ZC3H3: variants seen among roughly 807,000 people sequenced by gnomAD.
ZC3H3 encodes the protein zinc finger CCCH domain-containing protein 3.
In ZC3H3, 36 loss-of-function variants were observed where a neutral mutation model predicts 77.3. That is an observed-to-expected ratio of 0.47 (90% CI 0.36 to 0.61). ZC3H3 has a LOEUF of 0.61. Among genes scored for constraint, ZC3H3 ranks in the 20% least tolerant of loss-of-function variants. The pLI is 0.00. For synonymous variants in ZC3H3, 626 were observed against 555.2 expected, an observed-to-expected ratio of 1.13 and a Z score of -1.79; for missense variants, 1,331 against 1,312.2, an observed-to-expected ratio of 1.01 and a Z score of -0.22.
intron 4 of ZC3H3, among the ~76,000 whole-genome samples, chr8:143,491,963 T>C (rs976168952): frequency 6.6e-6 from 1 of 152,172 alleles, no homozygotes; most frequent in African/African-American, 2.4e-5. Flanking sequence ...CACAGGCATG[T>C]TGCCTCCACC....
chr8:143,480,616 C>A (rs1256319454), intron 4 of ZC3H3, among the ~76,000 whole-genome samples: 1 of 152,208 alleles, frequency 6.6e-6, no homozygotes, highest in Non-Finnish European at 1.5e-5. Flanking sequence ...TCAGCACTTG[C>A]GCTCCCAGCA....
intron 4 of ZC3H3, among the ~76,000 whole-genome samples, chr8:143,486,186 C>T (rs1330059174): frequency 6.6e-6 from 1 of 152,272 alleles, no homozygotes; most frequent in Admixed American, 6.5e-5. Flanking sequence ...GTATCCATAT[C>T]ACAGAACACC....
chr8:143,508,401 G>A (rs1821773655), intron 3 of ZC3H3, among the ~76,000 whole-genome samples: 1 of 152,212 alleles, frequency 6.6e-6, no homozygotes, highest in South Asian at 2.1e-4. Flanking sequence ...TCCTCAAGCG[G>A]CACCTCCTCA....
intron 2 of ZC3H3, among the ~76,000 whole-genome samples, chr8:143,537,065 A>G (rs1387489595): frequency 6.6e-6 from 1 of 152,092 alleles, no homozygotes; most frequent in African/African-American, 2.4e-5. Flanking sequence ...ACGGCAGGGC[A>G]CCACTGTGTC....
At chr8:143,472,975 T>G (rs1277195663) in intron 5 of ZC3H3, among the ~76,000 whole-genome samples, 1 of 152,164 alleles carries the variant, frequency 6.6e-6, no homozygotes, top group African/African-American at 2.4e-5. Flanking sequence ...CCTCCCTGGC[T>G]CCAGCTTCCG....
rs1228237664 is a variant in ZC3H3, at chr8:143,530,001, A to G, written c.1561+6256T>C. Among the ~76,000 whole-genome samples the G allele has an allele frequency of 6.6e-6, 1 of 152,150 alleles. No homozygotes were observed. The highest frequency in any genetic ancestry group is 2.4e-5 in the African/African-American group (1 of 41,444). On this transcript the variant is annotated intron_variant, in intron 3 of 11. Coordinates refer to ENST00000262577, the MANE Select transcript of ZC3H3 (RefSeq NM_015117.3). The surrounding 1 kb of genome is among the most constrained non-coding windows in gnomAD (Gnocchi z 4.3). ...GTGGAGACTCCACTTCTCATCTGCA[A>G]ATGCTGACAGCAGTTCCTCCACACC...
At chr8:143,488,815 C>T (rs1821117384) in intron 4 of ZC3H3, among the ~76,000 whole-genome samples, 1 of 152,240 alleles carries the variant, frequency 6.6e-6, no homozygotes, top group Non-Finnish European at 1.5e-5. Flanking sequence ...AAAGGCGACT[C>T]CCCCTGAACA....
intron 11 of ZC3H3, among the ~76,000 whole-genome samples, chr8:143,438,748 A>G (rs1432423833): frequency 6.6e-6 from 1 of 152,208 alleles, no homozygotes; most frequent in Non-Finnish European, 1.5e-5. Flanking sequence ...GGCCCGCTGA[A>G]TAGAGATGTC....
At chr8:143,515,298 G>A (rs960540944) in intron 3 of ZC3H3, among the ~76,000 whole-genome samples, 6 of 152,354 alleles carry the variant, frequency 3.9e-5, no homozygotes, top group Non-Finnish European at 8.8e-5. Context: ...CCGCTGCAAC[G>A]CCTCGGCCCT....
At chr8:143,438,345 G>C (rs1351524491) in intron 11 of ZC3H3, among the ~76,000 whole-genome samples, 1 of 152,158 alleles carries the variant, frequency 6.6e-6, no homozygotes, top group Non-Finnish European at 1.5e-5. Context: ...AGTCTATGAG[G>C]TCAACTGAGG....
At position 143,528,703 on chromosome 8, in the gene ZC3H3, G is replaced by A. The variant is rs36046140; in HGVS notation, c.1561+7554C>T. Among the ~76,000 whole-genome samples the A allele has an allele frequency of 8.4e-3, 1,280 of 152,346 alleles. 9 individuals are homozygous for A. Among genetic ancestry groups the A allele is most frequent in the African/African-American group, 0.029 (1,212 of 41,588 alleles). On this transcript the variant is annotated intron_variant, in intron 3 of 11. Coordinates refer to ENST00000262577, the MANE Select transcript of ZC3H3 (RefSeq NM_015117.3). Reference sequence around the variant, plus strand: ...GTGTGGCTTTTCCTCCTGGTGGGCAGCCCTCTGCCAGGCCCTCACCCCTCG... The same window carrying A: ...GTGTGGCTTTTCCTCCTGGTGGGCAACCCTCTGCCAGGCCCTCACCCCTCG...
chr8:143,437,953 C>A lies in ZC3H3; in HGVS notation c.*103G>T. The A allele has an allele frequency of 6.7e-7, 1 of 1,493,482 alleles. No individual in the cohort carries two copies. Among genetic ancestry groups the A allele is most frequent in the African/African-American group, 1.4e-5 (1 of 72,202 alleles). 92.5% of individuals were successfully genotyped at this position (1,493,482 alleles called of 1,614,324 possible). On this transcript the variant is annotated 3_prime_UTR_variant, in exon 12 of 12. Coordinates refer to ENST00000262577, the MANE Select transcript of ZC3H3 (RefSeq NM_015117.3). ...GTGTCCCTGTGGCCCCCAGGTGAGG[C>A]TTGGTGGCGGGCGGCCCTCCTGTGG... is the stretch of plus-strand genomic sequence containing the variant.
chr8:143,516,505 C>A (rs548779095), intron 3 of ZC3H3, among the ~76,000 whole-genome samples: 1 of 149,988 alleles, frequency 6.7e-6, no homozygotes, highest in African/African-American at 2.4e-5. Flanking sequence ...GCCTCGTCAG[C>A]GCGAAAGGAA....
intron 9 of ZC3H3, among the ~76,000 whole-genome samples, chr8:143,446,941 C>A (rs1819875685): frequency 6.6e-6 from 1 of 152,274 alleles, no homozygotes; most frequent in South Asian, 2.1e-4. Flanking sequence ...CTCCCAGGCA[C>A]CAGGTCACCT....
At chr8:143,456,192 T>C (rs1563837642) in intron 9 of ZC3H3, among the ~76,000 whole-genome samples, 1 of 151,290 alleles carries the variant, frequency 6.6e-6, no homozygotes. Context: ...CAAATAAAAA[T>C]TCTAAAAAGT....
chr8:143,513,314 G>A (rs1316494296), intron 3 of ZC3H3, among the ~76,000 whole-genome samples: 3 of 152,118 alleles, frequency 2.0e-5, no homozygotes, highest in Non-Finnish European at 4.4e-5. Context: ...CAAAGGCAGG[G>A]GAGCAGGGGG....
rs1445757384 is a variant in ZC3H3 at position 143,536,460 on chromosome 8, A to C, written c.1365-7T>G. The C allele has an allele frequency of 4.7e-6, 7 of 1,492,566 alleles. No homozygotes were observed. Among genetic ancestry groups the C allele is most frequent in the Non-Finnish European group, 6.3e-6 (7 of 1,115,670 alleles). 92.5% of individuals were successfully genotyped at this position (1,492,566 alleles called of 1,614,324 possible). ...TTTCTTGTCTCCAGGAAGGCTGTGGAGACAAAATACAGGCAGCTCTCAACA... is the reference window on the plus strand; with the variant it reads ...TTTCTTGTCTCCAGGAAGGCTGTGGCGACAAAATACAGGCAGCTCTCAACA... On this transcript the variant is annotated splice_region_variant and splice_polypyrimidine_tract_variant and intron_variant, in intron 2 of 11. Coordinates refer to ENST00000262577, the MANE Select transcript of ZC3H3 (RefSeq NM_015117.3).
At position 143,493,188 on chromosome 8, in the gene ZC3H3, C is replaced by T. The variant is rs1248937497; in HGVS notation, c.1715+14558G>A. 6.7e-6 allele frequency among the ~76,000 whole-genome samples: 1 copy of T among 148,816 alleles called. No individual in the cohort carries two copies. Among genetic ancestry groups the T allele is most frequent in the Non-Finnish European group, 1.5e-5 (1 of 67,006 alleles). On this transcript the variant is annotated intron_variant, in intron 4 of 11. Transcript: ENST00000262577. This position sits in a 1 kb window ranked among gnomAD's most constrained non-coding sequence, Gnocchi z 4.8. Reference sequence around the variant, plus strand: ...TCCCGTGTCCTGGCCCAGGGGCTCCCTCCTCAGGGTCCCGTGTCCTGGCCC... The same window carrying T: ...TCCCGTGTCCTGGCCCAGGGGCTCCTTCCTCAGGGTCCCGTGTCCTGGCCC...
intron 9 of ZC3H3, among the ~76,000 whole-genome samples, chr8:143,450,660 G>A (rs1311622650): frequency 6.6e-6 from 1 of 152,144 alleles, no homozygotes; most frequent in African/African-American, 2.4e-5. Flanking sequence ...GGCTGGAGCA[G>A]GAGGTCGAGA....
Sources: gnomAD v4.1 joint callset for allele counts (sites outside exome capture counted in the v4.1 genomes callset) on GRCh38, gnomAD v4.1.1 for gene constraint, Gnocchi (gnomAD v3.1) non-coding constraint, MANE v1.5 for transcripts, NCBI Gene and HGNC (gene_info 2026-07-23, HGNC 2026-07-21) for gene names.